Variants in RAP1GAP2 observed in about 807,000 individuals in gnomAD.
RAP1GAP2 encodes the protein RAP1 GTPase activating protein 2.
Under a neutral mutation model 95.0 loss-of-function variants are expected in RAP1GAP2, and 27 were observed. The ratio of observed to expected loss-of-function variants is 0.28; its 90% confidence interval spans 0.21 to 0.39. The LOEUF (loss-of-function observed/expected upper bound fraction) is 0.39. Ranked by LOEUF, RAP1GAP2 falls within the 10% of genes least tolerant of loss-of-function variation. The pLI, the probability that RAP1GAP2 is intolerant of heterozygous loss-of-function variation, is 1.00. For missense variants in RAP1GAP2, 771 were observed against 970.0 expected, an observed-to-expected ratio of 0.79 and a Z score of 2.72; for synonymous variants, 373 against 380.9, an observed-to-expected ratio of 0.98 and a Z score of 0.24.
upstream of RAP1GAP2, among the ~76,000 whole-genome samples, chr17:2,772,481 AG>A (rs2068415572): frequency 6.6e-6 from 1 of 152,010 alleles, no homozygotes; most frequent in East Asian, 1.9e-4. Context: ...TTATTTTTAT[AG>A]AGATGGGGTC....
At chr17:2,841,423 C>T (rs1284803195) in intron 2 of RAP1GAP2, among the ~76,000 whole-genome samples, 1 of 150,938 alleles carries the variant, frequency 6.6e-6, no homozygotes, top group Non-Finnish European at 1.5e-5. Flanking sequence ...CCTGCCTCAG[C>T]CTCCTGAGTA....
chr17:2,949,732 G>C (rs1170327439), intron 3 of RAP1GAP2, among the ~76,000 whole-genome samples: 1 of 152,218 alleles, frequency 6.6e-6, no homozygotes, highest in Non-Finnish European at 1.5e-5. Flanking sequence ...CCATCTCAGG[G>C]TGTGTGGATG....
chr17:2,774,297 C>T (rs114693913), upstream of RAP1GAP2, among the ~76,000 whole-genome samples: 2 of 152,156 alleles, frequency 1.3e-5, no homozygotes, highest in African/African-American at 4.8e-5. Context: ...GTTCTGAGGC[C>T]AAGGCTCTAT....
chr17:2,788,652 C>T (rs1039214607), intron 1 of RAP1GAP2, among the ~76,000 whole-genome samples: 29 of 152,084 alleles, frequency 1.9e-4, no homozygotes, highest in African/African-American at 6.3e-4. Context: ...CATGATTTGC[C>T]GTCTATTAGC....
chr17:3,008,057 A>G lies in RAP1GAP2; in HGVS notation c.1406A>G (p.His469Arg). The G allele has an allele frequency of 6.2e-7, 1 of 1,613,934 alleles. No individual in the cohort carries two copies. The highest frequency in any genetic ancestry group is 8.5e-7 in the Non-Finnish European group (1 of 1,179,872). ...CTGGACAACCTTCACGATGAGCTCC[A>G]CGCCCACACACAGGCCATGCTGGGA... ...ALLDNLHDELHAHTQAMLGLG... is the reference protein window; with the variant it reads ...ALLDNLHDELRAHTQAMLGLG... The change falls in exon 17 of 25, where the codon CAC becomes CGC. Residue 469 changes from histidine to arginine, a missense_variant. By Grantham distance (29) the His-to-Arg change is conservative. Transcript: ENST00000254695. This position sits in a 1 kb window ranked among gnomAD's most constrained non-coding sequence, Gnocchi z 4.2.
In RAP1GAP2 at chr17:2,953,354, C is replaced by T. The variant is rs560690340; in HGVS notation, c.166-4405C>T. Among the ~76,000 whole-genome samples the T allele has an allele frequency of 4.6e-5, 7 of 152,088 alleles. No individual in the cohort carries two copies. In the South Asian group the frequency reaches 6.3e-4, roughly 14 times the overall value. On this transcript the variant is annotated intron_variant, in intron 3 of 24. Coordinates refer to ENST00000254695, the MANE Select transcript of RAP1GAP2 (RefSeq NM_015085.5). ...AGCTAGGATTACAGGTGTGAACCAC[C>T]GTGTCTGGCTGTTTTTATAAAATTG...
chr17:2,900,437 A>T (rs945273732), intron 2 of RAP1GAP2, among the ~76,000 whole-genome samples: 3 of 151,968 alleles, frequency 2.0e-5, no homozygotes, highest in Admixed American at 6.6e-5. Flanking sequence ...TTATTTTTTT[A>T]AATTAATTAA....
At chr17:2,931,494 C>A (rs900773642) in intron 3 of RAP1GAP2, among the ~76,000 whole-genome samples, 1 of 152,186 alleles carries the variant, frequency 6.6e-6, no homozygotes, top group African/African-American at 2.4e-5. Context: ...ACCCTAACCT[C>A]GTTAGGGCCT....
chr17:2,801,997 C>T (rs2151482086), intron 2 of RAP1GAP2, among the ~76,000 whole-genome samples: 1 of 152,280 alleles, frequency 6.6e-6, no homozygotes, highest in South Asian at 2.1e-4. Context: ...ACCATCTGCT[C>T]CAGTGGAGTG....
chr17:2,980,236 C>A, intron 8 of RAP1GAP2, 51 bp from the exon 9 acceptor site: 1 of 1,582,976 alleles, frequency 6.3e-7, no homozygotes, highest in Non-Finnish European at 8.7e-7. Context: ...AGTCCCCGCG[C>A]CCTCACTGAC....
intron 3 of RAP1GAP2, among the ~76,000 whole-genome samples, chr17:2,938,179 G>A (rs1324376661): frequency 6.6e-6 from 1 of 152,174 alleles, no homozygotes; most frequent in Non-Finnish European, 1.5e-5. Flanking sequence ...CCACTTTGCA[G>A]AGTGGCTTAT....
At chr17:2,879,454 G>A (rs963515926) in intron 2 of RAP1GAP2, among the ~76,000 whole-genome samples, 21 of 152,002 alleles carry the variant, frequency 1.4e-4, no homozygotes, top group African/African-American at 4.8e-4. Flanking sequence ...TTGGCTGGGC[G>A]TGGCAGCTCA....
At chr17:2,888,045 T>C (rs1168214939) in intron 2 of RAP1GAP2, among the ~76,000 whole-genome samples, 3 of 152,178 alleles carry the variant, frequency 2.0e-5, no homozygotes, top group African/African-American at 7.2e-5. Flanking sequence ...CCCCAGGGAA[T>C]AGCAGGAGCT....
At chr17:2,991,815 A>G (rs376502243) in intron 12 of RAP1GAP2, among the ~76,000 whole-genome samples, 3 of 151,824 alleles carry the variant, frequency 2.0e-5, no homozygotes, top group African/African-American at 7.3e-5. Flanking sequence ...CCCAGGCTGG[A>G]GTGCAGTGGT....
chr17:3,015,548 G>T (rs569592340), intron 17 of RAP1GAP2, among the ~76,000 whole-genome samples: 13 of 152,284 alleles, frequency 8.5e-5, no homozygotes, highest in African/African-American at 2.9e-4. Flanking sequence ...GCTGGGCGTG[G>T]TGGCTCACGC....
chr17:2,930,034 C>T (rs11652683), intron 3 of RAP1GAP2, among the ~76,000 whole-genome samples: 103,156 of 152,122 alleles, frequency 0.68, 35,419 homozygotes, highest in Non-Finnish European at 0.72. Context: ...AGTTTAGTGC[C>T]TTGGGGCCAT....
At chr17:2,762,902 C>T (rs2071282710) in intron 1 of RAP1GAP2, among the ~76,000 whole-genome samples, 1 of 151,946 alleles carries the variant, frequency 6.6e-6, no homozygotes, top group South Asian at 2.1e-4. Context: ...TCTCGAACTC[C>T]CGGACTCAAG....
intron 3 of RAP1GAP2, among the ~76,000 whole-genome samples, chr17:2,949,690 A>G (rs997497011): frequency 7.3e-5 from 11 of 151,724 alleles, no homozygotes; most frequent in African/African-American, 2.4e-4. Flanking sequence ...GCGTTAACTG[A>G]GTGCCTGCTA....
At chr17:2,760,364 G>A (rs530776805) in intron 1 of RAP1GAP2, among the ~76,000 whole-genome samples, 6 of 149,532 alleles carry the variant, frequency 4.0e-5, no homozygotes, top group East Asian at 2.0e-4. Flanking sequence ...TTTTTGAGAC[G>A]GAGTCTTGCT....
Sources: gnomAD v4.1 joint callset for allele counts (sites outside exome capture counted in the v4.1 genomes callset) on GRCh38, gnomAD v4.1.1 for gene constraint, Gnocchi (gnomAD v3.1) non-coding constraint, MANE v1.5 for transcripts, NCBI Gene and HGNC (gene_info 2026-07-23, HGNC 2026-07-21) for gene names.